Variants in CDH13 observed in about 807,000 individuals in gnomAD.
CDH13 encodes the protein cadherin-13.
CDH13 carries 24 observed loss-of-function variants against 63.8 expected under a neutral mutation model. That is an observed-to-expected ratio of 0.38 (90% CI 0.27 to 0.53). The LOEUF is 0.53. Ranked by LOEUF, CDH13 falls within the 20% of genes least tolerant of loss-of-function variation. The pLI, the probability that CDH13 is intolerant of heterozygous loss-of-function variation, is 0.85. For synonymous variants in CDH13, 503 were observed against 355.3 expected (o/e 1.42, Z -4.67); for missense variants, 1,049 against 903.1 (o/e 1.16, Z -2.07).
chr16:82,727,771 C>A (rs553602217), intron 1 of CDH13: 3 of 152,150 alleles, frequency 2.0e-5, no homozygotes, highest in African/African-American at 7.2e-5. Context: ...CAAAGTTCTT[C>A]GTCTTGGAAG....
Position 83,120,115 on chromosome 16 carries a change from C to A in CDH13, c.367-5270C>A, listed in dbSNP as rs28372233. 6.4e-3 allele frequency among the ~76,000 whole-genome samples: 958 copies of A among 150,716 alleles called. 15 individuals carry two copies. Among genetic ancestry groups the A allele is most frequent in the African/African-American group, 0.023 (906 of 40,084 alleles). ...CATGGTGACTTCTCTACAATCAATA[C>A]CTCCAGCAGCCCCCGAACCCTGTCC... is the stretch of plus-strand genomic sequence containing the variant. On this transcript the variant is annotated intron_variant, in intron 3 of 13. Coordinates refer to ENST00000567109, the MANE Select transcript of CDH13 (RefSeq NM_001257.5).
intron 11 of CDH13, among the ~76,000 whole-genome samples, chr16:83,749,735 C>T (rs1017033144): frequency 2.0e-5 from 3 of 152,098 alleles, no homozygotes; most frequent in Non-Finnish European, 4.4e-5. Flanking sequence ...GTTCAGAGGG[C>T]TCATGAATTA....
chr16:82,698,328 GC>G (rs1027882403), intron 1 of CDH13, among the ~76,000 whole-genome samples: 19 of 152,318 alleles, frequency 1.2e-4, no homozygotes, highest in African/African-American at 4.1e-4. Context: ...GAAGACCAAG[GC>G]AAAGAACTCT....
chr16:82,905,078 C>T (rs781126769), intron 2 of CDH13, among the ~76,000 whole-genome samples: 3 of 152,104 alleles, frequency 2.0e-5, no homozygotes, highest in Non-Finnish European at 4.4e-5. Context: ...GAGAAAGGCA[C>T]GTCAATGATT....
intron 5 of CDH13, among the ~76,000 whole-genome samples, chr16:83,244,192 T>C (rs1001893628): frequency 2.6e-5 from 4 of 152,126 alleles, no homozygotes; most frequent in Non-Finnish European, 4.4e-5. Flanking sequence ...TCTTTATTGA[T>C]AGTGTTTGTT....
intron 7 of CDH13, among the ~76,000 whole-genome samples, chr16:83,590,323 A>G (rs1906611249): frequency 1.3e-5 from 2 of 152,296 alleles, no homozygotes; most frequent in Non-Finnish European, 2.9e-5. Flanking sequence ...GGTGGTGGAG[A>G]AAAGAGGACA....
At chr16:82,984,783 A>G (rs1470039903) in intron 2 of CDH13, among the ~76,000 whole-genome samples, 4 of 152,194 alleles carry the variant, frequency 2.6e-5, no homozygotes, top group Admixed American at 6.5e-5. Flanking sequence ...TCAGGATAGT[A>G]TGCTTTATAC....
At chr16:83,531,698 G>A (rs746644972) in intron 7 of CDH13, among the ~76,000 whole-genome samples, 14 of 152,180 alleles carry the variant, frequency 9.2e-5, no homozygotes, top group Non-Finnish European at 1.3e-4. Flanking sequence ...CACTAACCCA[G>A]AAATGAATTC....
chr16:83,456,464 C>T lies in CDH13; in HGVS notation c.782-30013C>T, dbSNP rs187637769. Among the ~76,000 whole-genome samples the T allele has an allele frequency of 4.6e-5, 7 of 152,294 alleles. No individual in the cohort carries two copies. In the East Asian group the frequency reaches 1.4e-3, roughly 29 times the overall value. ...CAGTACAACGTGAAAGACGTCATGA[C>T]AGTAGAATGCACGGGGAACCCTGGG... On this transcript the variant is annotated intron_variant, in intron 6 of 13. Transcript: ENST00000567109.
At chr16:83,144,249 A>G (rs1245647467) in intron 4 of CDH13, among the ~76,000 whole-genome samples, 2 of 152,166 alleles carry the variant, frequency 1.3e-5, no homozygotes, top group African/African-American at 4.8e-5. Flanking sequence ...TTATTTGGAT[A>G]GTCAAGGCAC....
At chr16:82,646,654 C>T (rs1910130333) in intron 1 of CDH13, among the ~76,000 whole-genome samples, 1 of 152,138 alleles carries the variant, frequency 6.6e-6, no homozygotes, top group Non-Finnish European at 1.5e-5. Context: ...GTGAGCGATG[C>T]TTTCATTCAA....
chr16:82,950,025 T>C (rs1371389004), intron 2 of CDH13, among the ~76,000 whole-genome samples: 1 of 152,052 alleles, frequency 6.6e-6, no homozygotes, highest in African/African-American at 2.4e-5. Flanking sequence ...AGAAAGAAGA[T>C]TGTTGAGGTG....
intron 5 of CDH13, among the ~76,000 whole-genome samples, chr16:83,278,755 A>G (rs2089071481): frequency 6.6e-6 from 1 of 152,120 alleles, no homozygotes; most frequent in Non-Finnish European, 1.5e-5. Context: ...GCTGGAGCAA[A>G]CTCCTTGAGA....
intron 1 of CDH13, among the ~76,000 whole-genome samples, chr16:82,699,780 T>C (rs1433390652): frequency 6.6e-6 from 1 of 152,214 alleles, no homozygotes; most frequent in Non-Finnish European, 1.5e-5. Context: ...TAAGATAATC[T>C]CTTTTGTCTA....
At chr16:82,688,229 A>C (rs1915280671) in intron 1 of CDH13, among the ~76,000 whole-genome samples, 1 of 152,170 alleles carries the variant, frequency 6.6e-6, no homozygotes. Context: ...TGCTACTTCC[A>C]GGCTGTGTCT....
At chr16:83,417,062 T>C (rs905807858) in intron 6 of CDH13, among the ~76,000 whole-genome samples, 1 of 152,224 alleles carries the variant, frequency 6.6e-6, no homozygotes, top group African/African-American at 2.4e-5. Flanking sequence ...ATTTCACTTA[T>C]CATGGGAATG....
chr16:83,594,785 C>T (rs1403475252), intron 7 of CDH13, among the ~76,000 whole-genome samples: 5 of 152,158 alleles, frequency 3.3e-5, no homozygotes, highest in African/African-American at 4.8e-5. Context: ...TAAATGCATA[C>T]CTGTGTGGAA....
At chr16:83,622,146 C>G (rs1321241561) in intron 8 of CDH13, among the ~76,000 whole-genome samples, 2 of 152,206 alleles carry the variant, frequency 1.3e-5, no homozygotes, top group African/African-American at 4.8e-5. Context: ...AACTGTAGCT[C>G]ATTTAATTCT....
At chr16:83,535,947 G>A (rs2075177002) in intron 7 of CDH13, among the ~76,000 whole-genome samples, 1 of 70,108 alleles carries the variant, frequency 1.4e-5, no homozygotes, top group South Asian at 5.1e-4. Context: ...AAGGAAGGAA[G>A]GAAGGAAGAA....
Sources: gnomAD v4.1 joint callset for allele counts (sites outside exome capture counted in the v4.1 genomes callset) on GRCh38, gnomAD v4.1.1 for gene constraint, MANE v1.5 for transcripts, NCBI Gene and HGNC (gene_info 2026-07-23, HGNC 2026-07-21) for gene names.